IDO2: variants seen among roughly 807,000 people sequenced by gnomAD.
IDO2 encodes indoleamine 2,3-dioxygenase 2.
In IDO2, 46 loss-of-function variants were observed where a neutral mutation model predicts 45.1. The observed-to-expected ratio is 1.02, with a 90% CI of 0.80 to 1.30. IDO2 has a LOEUF of 1.30. Ranked by LOEUF, IDO2 falls within the 50% of genes most tolerant of loss-of-function variation. The probability of loss-of-function intolerance (pLI) is 0.00; values close to 1 mark genes in which losing one functional copy is unlikely to be tolerated. For missense variants in IDO2, 544 were observed against 491.8 expected, an observed-to-expected ratio of 1.11 and a Z score of -1.00; for synonymous variants, 218 against 184.9, an observed-to-expected ratio of 1.18 and a Z score of -1.45.
chr8:40,014,113 T>C (rs1469355074), intron 10 of IDO2, among the ~76,000 whole-genome samples: 1 of 152,202 alleles, frequency 6.6e-6, no homozygotes, highest in African/African-American at 2.4e-5. Flanking sequence ...GTGCAACTTC[T>C]AGCCAAATCT....
chr8:39,966,627 A>C (rs1377814230), intron 3 of IDO2, among the ~76,000 whole-genome samples: 1 of 152,242 alleles, frequency 6.6e-6, no homozygotes, highest in African/African-American at 2.4e-5. Context: ...CTTGTCTTAG[A>C]ATGTCTCAAC....
intron 3 of IDO2, among the ~76,000 whole-genome samples, chr8:39,967,836 G>T (rs930592046): frequency 6.6e-6 from 1 of 152,066 alleles, no homozygotes; most frequent in Non-Finnish European, 1.5e-5. Context: ...TAAAAATCTG[G>T]CCATATCAAA....
intron 1 of IDO2, 68 bp from the exon 2 acceptor site, chr8:39,949,081 C>A: frequency 1.3e-6 from 2 of 1,539,412 alleles, no homozygotes; most frequent in South Asian, 1.2e-5. Context: ...TAACTGGAAC[C>A]GAAGGATGGA....
intron 3 of IDO2, among the ~76,000 whole-genome samples, chr8:39,973,281 A>G (rs1303618844): frequency 6.6e-6 from 1 of 152,224 alleles, no homozygotes; most frequent in Non-Finnish European, 1.5e-5. Context: ...ATATGCCTAT[A>G]TAATGAGTTA....
At chr8:39,962,503 T>G (rs1808014143) in intron 2 of IDO2, among the ~76,000 whole-genome samples, 1 of 152,232 alleles carries the variant, frequency 6.6e-6, no homozygotes, top group Admixed American at 6.5e-5. Context: ...GGCTCATCTT[T>G]CATCATCCTT....
At chr8:39,940,837 A>C (rs1807631311) in intron 1 of IDO2, among the ~76,000 whole-genome samples, 1 of 151,270 alleles carries the variant, frequency 6.6e-6, no homozygotes. Flanking sequence ...AATTACCCTG[A>C]TTTGATCATT....
intron 8 of IDO2, among the ~76,000 whole-genome samples, chr8:40,002,647 G>A (rs1357930052): frequency 3.9e-5 from 6 of 152,078 alleles, no homozygotes; most frequent in African/African-American, 7.2e-5. Context: ...TTAGCTGGAC[G>A]TTGGGCACTT....
At chr8:39,966,268 C>T (rs555173426) in intron 3 of IDO2, among the ~76,000 whole-genome samples, 20 of 152,118 alleles carry the variant, frequency 1.3e-4, no homozygotes, top group Non-Finnish European at 2.4e-4. Context: ...ACCTTGTGAT[C>T]CACCAGCCTC....
Position 39,974,949 on chromosome 8 carries a change from A to AAACAG in IDO2, c.196-4116_196-4115insCAGAA, listed in dbSNP as rs1242312089. On this transcript the variant is annotated intron_variant, in intron 3 of 10. Coordinates refer to ENST00000502986, the Ensembl canonical transcript of IDO2. ...TCTAAAAACAAAACAAAACAAAACA[A>AAACAG]AAGCACAAAATTAGCTGGGTGTGGT... 3.3e-5 allele frequency among the ~76,000 whole-genome samples: 5 copies of AAACAG among 151,626 alleles called. No homozygotes were observed. In the East Asian group the frequency reaches 9.9e-4, roughly 30 times the overall value.
At position 39,979,895 on chromosome 8, in the gene IDO2, C is replaced by T. The variant is rs146934060; in HGVS notation, c.315+709C>T. ...AGTGCAGTGGTGCAATCATAGCTCACTGCAGCCTCAACTCCTCCCAGGCTC... is the reference window on the plus strand; with the variant it reads ...AGTGCAGTGGTGCAATCATAGCTCATTGCAGCCTCAACTCCTCCCAGGCTC... On this transcript the variant is annotated intron_variant, in intron 4 of 10. Transcript: ENST00000502986. 2.0e-3 allele frequency among the ~76,000 whole-genome samples: 309 copies of T among 152,342 alleles called. 2 individuals carry two copies. Among genetic ancestry groups the T allele is most frequent in the African/African-American group, 7.2e-3 (298 of 41,578 alleles).
chr8:39,944,836 C>T (rs532083004), intron 1 of IDO2, among the ~76,000 whole-genome samples: 3 of 152,178 alleles, frequency 2.0e-5, no homozygotes, highest in African/African-American at 4.8e-5. Context: ...GAGCGATAGC[C>T]GTCTCTCGGT....
intron 2 of IDO2, among the ~76,000 whole-genome samples, chr8:39,961,524 G>A (rs1305312772): frequency 6.6e-6 from 1 of 151,878 alleles, no homozygotes; most frequent in African/African-American, 2.4e-5. Context: ...ATTTCACCAT[G>A]TTGGTCAAGC....
At position 39,975,159 on chromosome 8, in the gene IDO2, G is replaced by GT. The variant is rs368341548; in HGVS notation, c.196-3897dup. Among the ~76,000 whole-genome samples, 25 of 142,538 alleles carry GT rather than the reference G, an allele frequency of 1.8e-4. 1 individual carries two copies. Among genetic ancestry groups the GT allele is most frequent in the Admixed American group, 2.8e-4 (4 of 14,434 alleles). 93.5% of individuals were successfully genotyped at this position (142,538 alleles called of 152,430 possible). A position where few individuals can be genotyped will look rare whatever the true frequency, so the allele number is the denominator to read the frequency against. On this transcript the variant is annotated intron_variant, in intron 3 of 10. Transcript: ENST00000502986. ...TTTTCTAATATGGCACAACATTGGAGTTTTTTTTTTTGTTTTTTTTTTTTG... is the reference window on the plus strand; with the variant it reads ...TTTTCTAATATGGCACAACATTGGAGTTTTTTTTTTTTGTTTTTTTTTTTTG...
chr8:39,956,039 T>TATGAA (rs1161812114), intron 2 of IDO2, among the ~76,000 whole-genome samples: 142 of 151,366 alleles, frequency 9.4e-4, no homozygotes, highest in Non-Finnish European at 1.4e-3. Flanking sequence ...TACGTTTTCT[T>TATGAA]CATAAGATGC....
chr8:39,984,339 G>C (rs1808393612), intron 5 of IDO2, among the ~76,000 whole-genome samples: 1 of 152,190 alleles, frequency 6.6e-6, no homozygotes, highest in African/African-American at 2.4e-5. Context: ...GCCAGGTGTG[G>C]CAGTGGGTGC....
chr8:39,965,253 A>C (rs111612687), intron 3 of IDO2, among the ~76,000 whole-genome samples: 104 of 152,352 alleles, frequency 6.8e-4, no homozygotes, highest in African/African-American at 2.4e-3. Flanking sequence ...TGGGAGGCCA[A>C]GGCTGGCGGA....
chr8:39,986,356 A>G (rs1808422626), intron 6 of IDO2: 1 of 152,172 alleles, frequency 6.6e-6, no homozygotes. Context: ...CTCAGCTTCT[A>G]TCGCCAAACT....
chr8:39,975,356 G>A (rs1808244092), intron 3 of IDO2, among the ~76,000 whole-genome samples: 4 of 151,810 alleles, frequency 2.6e-5, no homozygotes, highest in South Asian at 2.1e-4. Context: ...GACAATGAAA[G>A]CCAAGCTACA....
chr8:39,961,978 A>C (rs1483438022), intron 2 of IDO2, among the ~76,000 whole-genome samples: 1 of 152,212 alleles, frequency 6.6e-6, no homozygotes, highest in Non-Finnish European at 1.5e-5. Context: ...AACTGCTTTA[A>C]GCTTGCTTAC....
Sources: allele counts gnomAD v4.1 joint callset (sites outside exome capture counted in the v4.1 genomes callset), GRCh38; gene constraint gnomAD v4.1.1; transcripts MANE v1.5; gene names NCBI Gene and HGNC (gene_info 2026-07-23, HGNC 2026-07-21).